Variants in SSBP2 observed in about 807,000 individuals in gnomAD.
SSBP2 encodes the protein single stranded DNA binding protein 2.
SSBP2 carries 17 observed loss-of-function variants against 61.8 expected under a neutral mutation model. That is an observed-to-expected ratio of 0.28 (90% CI 0.19 to 0.41). The LOEUF is 0.41. Ranked by LOEUF, SSBP2 falls within the 10% of genes least tolerant of loss-of-function variation. The pLI, the probability that SSBP2 is intolerant of heterozygous loss-of-function variation, is 1.00. For missense variants in SSBP2, 310 were observed against 458.7 expected (o/e 0.68, Z 2.96); for synonymous variants, 139 against 141.3 (o/e 0.98, Z 0.12).
rs558562676 is a variant in SSBP2, at chr5:81,719,328, A to G, written c.62+31653T>C. On this transcript the variant is annotated intron_variant, in intron 1 of 16. Coordinates refer to ENST00000320672, the MANE Select transcript of SSBP2 (RefSeq NM_012446.5). ...CATCCCCGCTTCCTCCAAGAGCTAA[A>G]GCCAATCCTGAAAAAGCAGAGGGCT... 3.3e-5 allele frequency among the ~76,000 whole-genome samples: 5 copies of G among 152,322 alleles called. No homozygotes were observed. The East Asian group carries it at 9.7e-4, about 29-fold the overall frequency.
At position 81,417,893 on chromosome 5, in the gene SSBP2, A is replaced by G. The variant is rs1032492719; in HGVS notation, c.*2611T>C. 2.7e-5 allele frequency: 4 copies of G among 147,068 alleles called. No homozygotes were observed. Among genetic ancestry groups the G allele is most frequent in the Admixed American group, 6.7e-5 (1 of 14,842 alleles). The allele number at this position is 147,068 out of a possible 1,614,324, so 9.1% of individuals were successfully genotyped here. ...ATAATCAATTGACTGCTCTGCCTTG[A>G]AAAAAAAAACGAATTTTACTTTTAG... On this transcript the variant is annotated 3_prime_UTR_variant, in exon 17 of 17. Transcript: ENST00000320672.
chr5:81,727,564 C>T (rs1755977871), intron 1 of SSBP2, among the ~76,000 whole-genome samples: 1 of 151,974 alleles, frequency 6.6e-6, no homozygotes, highest in South Asian at 2.1e-4. Flanking sequence ...AAAAAAATCT[C>T]ATGCAACATT....
In SSBP2 at chr5:81,543,786, CAAAT is replaced by C. The variant is rs1771494933; in HGVS notation, c.283-30073_283-30070del. ...TTTGCTAAATGAAAGAATGAAGAAA[CAAAT>C]AAATGTCATTTAAAACAAGACATCC... On this transcript the variant is annotated intron_variant, in intron 4 of 16. Coordinates refer to ENST00000320672, the MANE Select transcript of SSBP2 (RefSeq NM_012446.5). Among the ~76,000 whole-genome samples, 5 of 152,118 alleles carry C rather than the reference CAAAT, an allele frequency of 3.3e-5. No homozygotes were observed. The South Asian group carries it at 6.2e-4, about 19-fold the overall frequency.
At chr5:81,448,056 G>A (rs1487187446) in intron 11 of SSBP2, 1 of 151,982 alleles carries the variant, frequency 6.6e-6, no homozygotes. Context: ...CACCACCTCT[G>A]AACATTTCTG....
intron 1 of SSBP2, among the ~76,000 whole-genome samples, chr5:81,693,204 A>T (rs1178409698): frequency 4.1e-5 from 2 of 49,246 alleles, no homozygotes; most frequent in Non-Finnish European, 8.0e-5. Flanking sequence ...CTTTGTCTTA[A>T]AAAAAAAAAA....
rs375924709 is a variant in SSBP2 at position 81,604,585 on chromosome 5, C to A, written c.282+10888G>T. On this transcript the variant is annotated intron_variant, in intron 4 of 16. Coordinates refer to ENST00000320672, the MANE Select transcript of SSBP2 (RefSeq NM_012446.5). ...GTAAAAATTTTTAGCTGATCCAAGA[C>A]AAACAAAAATCTTTTAATCCCCCAT... is the stretch of plus-strand genomic sequence containing the variant. Among the ~76,000 whole-genome samples the A allele has an allele frequency of 6.6e-5, 10 of 151,946 alleles. No individual in the cohort carries two copies. In the South Asian group the frequency reaches 8.3e-4, roughly 13 times the overall value.
chr5:81,446,604 A>G (rs1362504233), intron 12 of SSBP2, among the ~76,000 whole-genome samples: 2 of 152,180 alleles, frequency 1.3e-5, no homozygotes, highest in Non-Finnish European at 2.9e-5. Context: ...TAAATCTTTA[A>G]GTTAGACACA....
intron 4 of SSBP2, among the ~76,000 whole-genome samples, chr5:81,519,268 T>C (rs908946343): frequency 3.3e-5 from 5 of 152,190 alleles, no homozygotes; most frequent in African/African-American, 1.2e-4. Context: ...TATCTTTTCA[T>C]ATTTTCTACT....
rs186808408 is a variant in SSBP2, at chr5:81,628,414, C to A, written c.197+8143G>T. On this transcript the variant is annotated intron_variant, in intron 3 of 16. Transcript: ENST00000320672. Reference sequence around the variant, plus strand: ...TCAAGATGAGATTTGAGTGGGGACACAGCCAAACTATATCAAGAGATATGA... The same window carrying A: ...TCAAGATGAGATTTGAGTGGGGACAAAGCCAAACTATATCAAGAGATATGA... 1.1e-3 allele frequency among the ~76,000 whole-genome samples: 170 copies of A among 152,160 alleles called. 1 individual carries two copies. The highest frequency in any genetic ancestry group is 3.8e-3 in the African/African-American group (159 of 41,408).
At chr5:81,544,851 A>G (rs554889303) in intron 4 of SSBP2, among the ~76,000 whole-genome samples, 1 of 152,332 alleles carries the variant, frequency 6.6e-6, no homozygotes, top group Admixed American at 6.5e-5. Context: ...AAATATGTAC[A>G]AAGTGGGTGG....
chr5:81,623,331 C>A (rs1333956905), intron 3 of SSBP2, among the ~76,000 whole-genome samples: 3 of 110,580 alleles, frequency 2.7e-5, no homozygotes, highest in African/African-American at 9.6e-5. Context: ...CATTGTAGTA[C>A]TTTTTTTTTT....
intron 4 of SSBP2, among the ~76,000 whole-genome samples, chr5:81,570,932 T>TC (rs906177672): frequency 3.2e-4 from 48 of 152,320 alleles, no homozygotes; most frequent in African/African-American, 1.1e-3. Flanking sequence ...CTCCTACTGC[T>TC]CTTCCACATT....
chr5:81,644,027 G>T (rs997551746), intron 2 of SSBP2, among the ~76,000 whole-genome samples: 1 of 152,152 alleles, frequency 6.6e-6, no homozygotes. Context: ...CGGTAGTCAC[G>T]TGTGGCTATT....
At chr5:81,690,581 A>C (rs1323261894) in intron 1 of SSBP2, among the ~76,000 whole-genome samples, 2 of 152,170 alleles carry the variant, frequency 1.3e-5, no homozygotes, top group African/African-American at 2.4e-5. Context: ...AAATATATAA[A>C]GCAACTATTA....
chr5:81,608,095 C>T (rs1000261491), intron 4 of SSBP2, among the ~76,000 whole-genome samples: 2 of 152,044 alleles, frequency 1.3e-5, no homozygotes, highest in Non-Finnish European at 2.9e-5. Flanking sequence ...CTTATTTTAT[C>T]TTTACTACTT....
intron 2 of SSBP2, among the ~76,000 whole-genome samples, chr5:81,643,325 T>C (rs1748958504): frequency 1.3e-5 from 2 of 152,178 alleles, no homozygotes; most frequent in Non-Finnish European, 2.9e-5. Context: ...ATAGTACCCA[T>C]AAATCCTTTC....
chr5:81,663,864 G>T (rs912939067), intron 1 of SSBP2, among the ~76,000 whole-genome samples: 1 of 152,116 alleles, frequency 6.6e-6, no homozygotes, highest in East Asian at 1.9e-4. Context: ...GATTTTGTTA[G>T]CATTTTGCCA....
chr5:81,535,146 T>G (rs932820689), intron 4 of SSBP2, among the ~76,000 whole-genome samples: 1 of 151,898 alleles, frequency 6.6e-6, no homozygotes, highest in Admixed American at 6.6e-5. Flanking sequence ...AAACAAAATT[T>G]GACATAAAAA....
At chr5:81,561,360 A>G (rs1343169764) in intron 4 of SSBP2, among the ~76,000 whole-genome samples, 1 of 152,186 alleles carries the variant, frequency 6.6e-6, no homozygotes, top group Non-Finnish European at 1.5e-5. Flanking sequence ...ATTGTGTCTT[A>G]TTCATGGAAG....
Sources: gnomAD v4.1 joint callset for allele counts (sites outside exome capture counted in the v4.1 genomes callset) on GRCh38, gnomAD v4.1.1 for gene constraint, MANE v1.5 for transcripts, NCBI Gene and HGNC (gene_info 2026-07-23, HGNC 2026-07-21) for gene names.